Variants in HIP1 observed in about 807,000 individuals in gnomAD.
The protein encoded by HIP1 is huntingtin-interacting protein 1.
Under a neutral mutation model 147.6 loss-of-function variants are expected in HIP1, and 65 were observed. The observed-to-expected ratio is 0.44, with a 90% CI of 0.36 to 0.54. The LOEUF (loss-of-function observed/expected upper bound fraction) is 0.54, where lower values mean the gene tolerates loss of function less well. Ranked by LOEUF, HIP1 falls within the 20% of genes least tolerant of loss-of-function variation. HIP1 has a pLI of 0.00. For synonymous variants in HIP1, 479 were observed against 504.0 expected (o/e 0.95, Z 0.67); for missense variants, 1,061 against 1,299.6 (o/e 0.82, Z 2.82).
chr7:75,602,914 T>C (rs1797061505), intron 1 of HIP1, among the ~76,000 whole-genome samples: 1 of 147,376 alleles, frequency 6.8e-6, no homozygotes, highest in Non-Finnish European at 1.5e-5. Flanking sequence ...TGGAATGTAA[T>C]ATGACTGGTG....
At chr7:75,592,184 G>C (rs2116970753) in intron 3 of HIP1, 72 bp from the exon 4 acceptor site, 1 of 1,495,012 alleles carries the variant, frequency 6.7e-7, no homozygotes, top group South Asian at 1.1e-5. Context: ...AGGATGGAGA[G>C]AGGCGGAGGT....
intron 24 of HIP1, among the ~76,000 whole-genome samples, chr7:75,547,525 C>T (rs1230999564): frequency 6.6e-6 from 1 of 152,302 alleles, no homozygotes; most frequent in East Asian, 1.9e-4. Context: ...TCCTCAGCCT[C>T]CCAAAGTGCT....
intron 1 of HIP1, among the ~76,000 whole-genome samples, chr7:75,670,767 T>C (rs1392803044): frequency 6.7e-6 from 1 of 148,272 alleles, no homozygotes; most frequent in Non-Finnish European, 1.5e-5. Context: ...GCATGCTCAC[T>C]GTACTCAGCT....
At chr7:75,729,174 A>G (rs1037746968) in intron 1 of HIP1, among the ~76,000 whole-genome samples, 1 of 151,110 alleles carries the variant, frequency 6.6e-6, no homozygotes, top group East Asian at 1.9e-4. Flanking sequence ...AAAAAAAAAA[A>G]AAGAAGAAGC....
At chr7:75,576,893 A>G (rs1554497809) in intron 7 of HIP1, among the ~76,000 whole-genome samples, 2 of 152,242 alleles carry the variant, frequency 1.3e-5, no homozygotes, top group African/African-American at 4.8e-5. Flanking sequence ...TATATTAGCC[A>G]TATGTGGCTT....
chr7:75,685,794 C>A (rs1175617963), intron 1 of HIP1, among the ~76,000 whole-genome samples: 2 of 152,142 alleles, frequency 1.3e-5, no homozygotes, highest in African/African-American at 4.8e-5. Flanking sequence ...GGTGATCTGC[C>A]CACCTCGGCC....
rs200725566 is a variant in HIP1 at position 75,582,052 on chromosome 7, G to A, written c.542+23C>T. ...TTCACAAAAGCTTTCTCCCTCCCTG[G>A]GCTCAGGGCAGGAGCCACTTACAAG... On this transcript the variant is annotated intron_variant, in intron 6 of 30. Transcript: ENST00000336926. The A allele has an allele frequency of 6.1e-5, 98 of 1,599,196 alleles. 2 individuals carry two copies. In the East Asian group the frequency reaches 2.0e-3, roughly 32 times the overall value.
At chr7:75,733,168 T>G (rs1156399113) in intron 1 of HIP1, among the ~76,000 whole-genome samples, 1 of 152,158 alleles carries the variant, frequency 6.6e-6, no homozygotes, top group South Asian at 2.1e-4. Context: ...GGGAGGACAG[T>G]GTGGTCGAAC....
intron 4 of HIP1, among the ~76,000 whole-genome samples, chr7:75,591,557 T>C (rs992948111): frequency 1.1e-4 from 16 of 151,988 alleles, no homozygotes; most frequent in Admixed American, 4.6e-4. Context: ...CAATGCACTA[T>C]GACTCCAACG....
intron 1 of HIP1, among the ~76,000 whole-genome samples, chr7:75,636,028 A>C (rs1798415091): frequency 9.9e-6 from 1 of 100,562 alleles, no homozygotes; most frequent in Non-Finnish European, 2.6e-5. Context: ...CTGTCTCAAA[A>C]AAAAAAAAAA....
chr7:75,659,429 T>C (rs995351194), intron 1 of HIP1, among the ~76,000 whole-genome samples: 6 of 152,046 alleles, frequency 3.9e-5, no homozygotes, highest in African/African-American at 1.4e-4. Flanking sequence ...GAGGCCAAGG[T>C]GTGTAGATCA....
At chr7:75,559,526 CTCA>C (rs1194975511) in intron 14 of HIP1, among the ~76,000 whole-genome samples, 11 of 152,232 alleles carry the variant, frequency 7.2e-5, no homozygotes, top group African/African-American at 7.2e-5. Flanking sequence ...CATCTCTGTG[CTCA>C]GCGGTGCCTC....
chr7:75,660,982 T>A (rs1452852800), intron 1 of HIP1, among the ~76,000 whole-genome samples: 1 of 151,772 alleles, frequency 6.6e-6, no homozygotes, highest in Non-Finnish European at 1.5e-5. Context: ...GCAAAAAAAA[T>A]CAAGAGACAC....
intron 7 of HIP1, among the ~76,000 whole-genome samples, chr7:75,579,825 G>A (rs587613290): frequency 3.9e-5 from 6 of 152,292 alleles, no homozygotes; most frequent in Admixed American, 6.5e-5. Context: ...AGAAGGCCAC[G>A]AGGCTTGGGC....
chr7:75,681,497 C>CTTTTT (rs10546838), intron 1 of HIP1, among the ~76,000 whole-genome samples: 6 of 124,304 alleles, frequency 4.8e-5, no homozygotes, highest in South Asian at 2.6e-4. Flanking sequence ...ACAGCACCTG[C>CTTTTT]TTTTTTTTTT....
chr7:75,736,050 G>A (rs1293614949), intron 1 of HIP1, among the ~76,000 whole-genome samples: 11 of 151,186 alleles, frequency 7.3e-5, no homozygotes, highest in Admixed American at 4.0e-4. Context: ...GGAAAACACA[G>A]TGAGACCTCC....
intron 1 of HIP1, among the ~76,000 whole-genome samples, chr7:75,600,613 T>C (rs1192157337): frequency 6.6e-6 from 1 of 152,178 alleles, no homozygotes. Flanking sequence ...TACACATAAA[T>C]ACCTACATAC....
intron 7 of HIP1, among the ~76,000 whole-genome samples, chr7:75,576,612 C>G (rs1422890374): frequency 1.3e-5 from 2 of 152,170 alleles, no homozygotes; most frequent in Non-Finnish European, 2.9e-5. Context: ...GTCCCAGCTA[C>G]TCAGGAGGCT....
chr7:75,579,242 C>G (rs587708992), intron 7 of HIP1, among the ~76,000 whole-genome samples: 1 of 152,244 alleles, frequency 6.6e-6, no homozygotes, highest in South Asian at 2.1e-4. Context: ...TGTATAACAC[C>G]CTGCTCAAAT....
Sources: gnomAD v4.1 joint callset for allele counts (sites outside exome capture counted in the v4.1 genomes callset) on GRCh38, gnomAD v4.1.1 for gene constraint, MANE v1.5 for transcripts, NCBI Gene and HGNC (gene_info 2026-07-23, HGNC 2026-07-21) for gene names.